Variants in RPL22 observed in about 807,000 individuals in gnomAD.
The protein encoded by RPL22 is large ribosomal subunit protein eL22.
In RPL22, 4 loss-of-function variants were observed where a neutral mutation model predicts 16.2. That is an observed-to-expected ratio of 0.25 (90% confidence interval 0.12 to 0.57). The LOEUF (loss-of-function observed/expected upper bound fraction) is 0.57. RPL22 is among the 20% of genes least tolerant of loss of function. RPL22 has a pLI of 0.92. For synonymous variants in RPL22, 43 were observed against 54.8 expected, an observed-to-expected ratio of 0.78 and a Z score of 0.95; for missense variants, 83 against 156.1, an observed-to-expected ratio of 0.53 and a Z score of 2.49.
At chr1:6,192,185 A>T (rs535957126) in intron 3 of RPL22, among the ~76,000 whole-genome samples, 101 of 152,172 alleles carry the variant, frequency 6.6e-4, no homozygotes, top group African/African-American at 2.3e-3. Flanking sequence ...AAGTGGCTGG[A>T]CTACAGGCAC....
At chr1:6,190,235 G>A (rs1288161687) in intron 3 of RPL22, among the ~76,000 whole-genome samples, 5 of 152,294 alleles carry the variant, frequency 3.3e-5, no homozygotes, top group Non-Finnish European at 7.4e-5. Flanking sequence ...CATTCTCACT[G>A]CTTCCCAGGC....
At chr1:6,194,128 C>T (rs533969774) in intron 2 of RPL22, among the ~76,000 whole-genome samples, 3 of 152,136 alleles carry the variant, frequency 2.0e-5, no homozygotes, top group Non-Finnish European at 4.4e-5. Flanking sequence ...ATCCCTTGAG[C>T]CCAGGAGGCG....
At position 6,187,763 on chromosome 1, in the gene RPL22, G is replaced by A. The variant is rs76372313; in HGVS notation, c.243-947C>T. ...ATGATAGAAATTTACAGTTAAGTAC[G>A]CAACCTCAATACCTTTTATGCAGAA... On this transcript the variant is annotated intron_variant, in intron 3 of 3. Coordinates refer to ENST00000234875, the MANE Select transcript of RPL22 (RefSeq NM_000983.4). Among the ~76,000 whole-genome samples the A allele has an allele frequency of 2.5e-3, 381 of 152,254 alleles. 2 individuals are homozygous for A. Among genetic ancestry groups the A allele is most frequent in the African/African-American group, 8.8e-3 (366 of 41,554 alleles).
chr1:6,186,655 T>C lies in RPL22; in HGVS notation c.*17A>G, dbSNP rs200076283. 583 of 1,493,256 alleles carry C rather than the reference T, an allele frequency of 3.9e-4. 2 individuals carry two copies. The African/African-American group carries it at 7.9e-3, about 20-fold the overall frequency. The allele number at this position is 1,493,256 out of a possible 1,614,324, so 92.5% of individuals were successfully genotyped here. ...TTTATTCAAGAACTCATACAAAATT[T>C]TCCAGATAAATGAAATTTAATCCTC... On this transcript the variant is annotated 3_prime_UTR_variant, in exon 4 of 4. Coordinates refer to ENST00000234875, the MANE Select transcript of RPL22 (RefSeq NM_000983.4).
At chr1:6,188,280 C>T (rs113815548) in intron 3 of RPL22, among the ~76,000 whole-genome samples, 96 of 152,270 alleles carry the variant, frequency 6.3e-4, no homozygotes, top group African/African-American at 2.1e-3. Context: ...TGTCTGCCCA[C>T]CTCAGCCTCC....
Position 6,199,355 on chromosome 1 carries a change from A to G in RPL22, c.12+207T>C, listed in dbSNP as rs138002841. ...GCCCCGGGCCTCCGAGACCTCCCGG[A>G]TCTCCCTCACGAGCCTCGGGCCGCG... On this transcript the variant is annotated intron_variant, in intron 1 of 3. Transcript: ENST00000234875. The G allele has an allele frequency of 1.4e-4, 188 of 1,301,968 alleles. 2 individuals are homozygous for G. The African/African-American group carries it at 2.6e-3, about 18-fold the overall frequency. 80.7% of individuals were successfully genotyped at this position (1,301,968 alleles called of 1,614,324 possible).
At chr1:6,188,935 G>C (rs1160752170) in intron 3 of RPL22, among the ~76,000 whole-genome samples, 1 of 151,124 alleles carries the variant, frequency 6.6e-6, no homozygotes, top group Non-Finnish European at 1.5e-5. Context: ...ACAGGCATGT[G>C]CCACCACGCC....
chr1:6,197,852 T>C (rs942427916), intron 1 of RPL22, 96 bp from the exon 2 acceptor site: 15 of 899,066 alleles, frequency 1.7e-5, no homozygotes, highest in Non-Finnish European at 2.5e-5. Context: ...TAAAAGTCCA[T>C]ACAAATACAA....
At chr1:6,187,390 G>A (rs750699515) in intron 3 of RPL22, among the ~76,000 whole-genome samples, 2 of 151,986 alleles carry the variant, frequency 1.3e-5, no homozygotes, top group African/African-American at 2.4e-5. Context: ...TGAGGCAGGC[G>A]GATCATGAGG....
chr1:6,197,620 A>G, intron 2 of RPL22, 32 bp downstream of exon 2: 1 of 1,436,734 alleles, frequency 7.0e-7, no homozygotes, highest in Non-Finnish European at 9.8e-7. Flanking sequence ...AATGTTCGTG[A>G]CCACCCGAGT....
chr1:6,187,449 C>T (rs1015283711), intron 3 of RPL22, among the ~76,000 whole-genome samples: 41 of 151,912 alleles, frequency 2.7e-4, no homozygotes, highest in Non-Finnish European at 8.8e-5. Context: ...CCTATCTCTA[C>T]TAAAAATACA....
intron 2 of RPL22, 34 bp from the exon 3 acceptor site, chr1:6,193,088 C>A: frequency 6.2e-7 from 1 of 1,610,762 alleles, no homozygotes; most frequent in Non-Finnish European, 8.5e-7. Context: ...AATGAAGTGA[C>A]AAGTTCATCT....
At chr1:6,197,847 G>GGT in intron 1 of RPL22, 91 bp from the exon 2 acceptor site, 1 of 943,918 alleles carries the variant, frequency 1.1e-6, no homozygotes, top group Non-Finnish European at 1.7e-6. Context: ...AGGTATAAAA[G>GGT]TCCATACAAA....
At chr1:6,199,434 C>T (rs1250474105) in intron 1 of RPL22, 128 bp downstream of exon 1, 37 of 1,436,436 alleles carry the variant, frequency 2.6e-5, no homozygotes, top group Non-Finnish European at 3.4e-5. Context: ...CCCGCTCCGG[C>T]CGACCTGCCA....
At chr1:6,192,573 C>G (rs1667665467) in intron 3 of RPL22, among the ~76,000 whole-genome samples, 1 of 152,074 alleles carries the variant, frequency 6.6e-6, no homozygotes, top group African/African-American at 2.4e-5. Context: ...GTGGCAGGTG[C>G]CTGTAGTCTC....
chr1:6,195,377 G>A (rs376879380), intron 2 of RPL22, among the ~76,000 whole-genome samples: 2 of 150,624 alleles, frequency 1.3e-5, no homozygotes, highest in African/African-American at 4.9e-5. Context: ...CATGGGAGGC[G>A]GAGCTTGCAG....
intron 2 of RPL22, among the ~76,000 whole-genome samples, chr1:6,196,190 T>C (rs1309506031): frequency 1.3e-5 from 2 of 152,168 alleles, no homozygotes; most frequent in Non-Finnish European, 2.9e-5. Context: ...AAGTTTTCTA[T>C]CCTAAGGAGG....
chr1:6,189,290 G>C (rs1667619719), intron 3 of RPL22, among the ~76,000 whole-genome samples: 1 of 151,060 alleles, frequency 6.6e-6, no homozygotes, highest in South Asian at 2.1e-4. Context: ...TCCACTTTTT[G>C]CTAAGCAAAG....
chr1:6,187,371 T>G (rs1345093828), intron 3 of RPL22, among the ~76,000 whole-genome samples: 1 of 151,356 alleles, frequency 6.6e-6, no homozygotes, highest in Non-Finnish European at 1.5e-5. Context: ...TCCCAGCATT[T>G]TGGAGGGCTG....
Sources: allele counts gnomAD v4.1 joint callset (sites outside exome capture counted in the v4.1 genomes callset), GRCh38; gene constraint gnomAD v4.1.1; transcripts MANE v1.5; gene names NCBI Gene and HGNC (gene_info 2026-07-23, HGNC 2026-07-21).